Variants in RBFOX1 observed in about 807,000 individuals in gnomAD.
RBFOX1 encodes the protein RNA binding fox-1 homolog 1.
RBFOX1 carries 8 observed loss-of-function variants against 57.7 expected under a neutral mutation model. The observed-to-expected ratio is 0.14, with a 90% CI of 0.08 to 0.25. The LOEUF (loss-of-function observed/expected upper bound fraction) is 0.25, where lower values mean the gene tolerates loss of function less well. RBFOX1 is among the 10% of genes least tolerant of loss of function. RBFOX1 has a pLI of 1.00. For synonymous variants in RBFOX1, 326 were observed against 222.4 expected, an observed-to-expected ratio of 1.47 and a Z score of -4.15; for missense variants, 611 against 548.5, an observed-to-expected ratio of 1.11 and a Z score of -1.14.
At position 5,856,575 on chromosome 16, in the gene RBFOX1, G is replaced by GTATATATATATATA. The variant is rs375112636; in HGVS notation, c.319-10711_319-10698dup. 1.6e-3 allele frequency among the ~76,000 whole-genome samples: 53 copies of GTATATATATATATA among 32,920 alleles called. 2 individuals carry two copies. Among genetic ancestry groups the GTATATATATATATA allele is most frequent in the South Asian group, 8.8e-3 (6 of 680 alleles). 21.6% of individuals were successfully genotyped at this position (32,920 alleles called of 152,430 possible). ...TGTGTGTGTGTGTATGTGTGTGTGT[G>GTATATATATATATA]TATATATATATATATATATATATAT... On this transcript the variant is annotated intron_variant, in intron 3 of 19. Transcript: ENST00000641259.
intron 5 of RBFOX1, among the ~76,000 whole-genome samples, chr16:7,576,647 G>T (rs760296395): frequency 1.3e-5 from 2 of 152,182 alleles, no homozygotes; most frequent in Non-Finnish European, 2.9e-5. Flanking sequence ...TCTCCAAAGT[G>T]CTGTTTGACT....
At chr16:6,712,031 T>C (rs902328142) in intron 3 of RBFOX1, among the ~76,000 whole-genome samples, 3 of 152,226 alleles carry the variant, frequency 2.0e-5, no homozygotes, top group Non-Finnish European at 4.4e-5. Context: ...GTCTCACATA[T>C]ACTATATGGT....
chr16:7,348,157 CA>C (rs1283527697), intron 4 of RBFOX1, among the ~76,000 whole-genome samples: 1 of 152,132 alleles, frequency 6.6e-6, no homozygotes, highest in Non-Finnish European at 1.5e-5. Context: ...TTTTCAGAAA[CA>C]AAAAGCACAA....
At chr16:7,181,980 T>C (rs1292030614) in intron 4 of RBFOX1, among the ~76,000 whole-genome samples, 1 of 152,164 alleles carries the variant, frequency 6.6e-6, no homozygotes, top group African/African-American at 2.4e-5. Context: ...GTAACAGAGA[T>C]AGTGAATAAC....
At chr16:7,567,638 C>A (rs534698397) in intron 5 of RBFOX1, among the ~76,000 whole-genome samples, 1 of 58,476 alleles carries the variant, frequency 1.7e-5, no homozygotes, top group African/African-American at 5.8e-5. Context: ...TATATATATC[C>A]CTATATATGG....
chr16:6,994,923 G>T (rs143857941), intron 3 of RBFOX1, among the ~76,000 whole-genome samples: 24 of 150,426 alleles, frequency 1.6e-4, no homozygotes, highest in African/African-American at 5.9e-4. Flanking sequence ...TCCCTGATTG[G>T]GCATGTGATT....
At chr16:5,434,317 C>CTTTTTTTTTTTTTTTTT (rs5815245) in intron 1 of RBFOX1, among the ~76,000 whole-genome samples, 1 of 79,732 alleles carries the variant, frequency 1.3e-5, no homozygotes, top group African/African-American at 5.1e-5. Flanking sequence ...TGCTGAAGTC[C>CTTTTTTTTTTTTTTTTT]TTTTTTTTTT....
intron 2 of RBFOX1, among the ~76,000 whole-genome samples, chr16:6,473,594 A>T (rs2095225879): frequency 6.6e-6 from 1 of 151,644 alleles, no homozygotes; most frequent in African/African-American, 2.4e-5. Context: ...GTTGGTCTTT[A>T]TTGAAGAAAT....
intron 4 of RBFOX1, among the ~76,000 whole-genome samples, chr16:7,378,239 C>G (rs1040750456): frequency 3.9e-5 from 6 of 152,134 alleles, no homozygotes; most frequent in Non-Finnish European, 8.8e-5. Flanking sequence ...CAAACCATCT[C>G]CTGATCTCGA....
intron 3 of RBFOX1, among the ~76,000 whole-genome samples, chr16:6,922,716 C>G (rs796136491): frequency 6.6e-6 from 1 of 152,148 alleles, no homozygotes; most frequent in Non-Finnish European, 1.5e-5. Flanking sequence ...ACTCCAAAAA[C>G]TGGAAAGCCT....
At chr16:6,756,860 A>C (rs1254801631) in intron 3 of RBFOX1, among the ~76,000 whole-genome samples, 1 of 152,118 alleles carries the variant, frequency 6.6e-6, no homozygotes, top group Non-Finnish European at 1.5e-5. Flanking sequence ...CTGTAGTCAC[A>C]GCTCCTTGGG....
At chr16:7,506,914 G>A (rs1179182132) in intron 4 of RBFOX1, among the ~76,000 whole-genome samples, 1 of 152,158 alleles carries the variant, frequency 6.6e-6, no homozygotes. Context: ...GGACTGGAAG[G>A]AGGATCAGTT....
Position 6,831,873 on chromosome 16 carries a change from T to A in RBFOX1, c.-16+177223T>A, listed in dbSNP as rs2092733082. Among the ~76,000 whole-genome samples the A allele has an allele frequency of 2.0e-5, 3 of 152,112 alleles. 1 individual carries two copies. Among genetic ancestry groups the A allele is most frequent in the Non-Finnish European group, 4.4e-5 (3 of 68,012 alleles). ...ATGCTAGGGAGCATCATTTATGCAG[T>A]GAAAGAAGTAGGAAAAGCAATGTCT... On this transcript the variant is annotated intron_variant, in intron 3 of 15. Coordinates refer to ENST00000550418, the MANE Select transcript of RBFOX1 (RefSeq NM_018723.4).
intron 3 of RBFOX1, among the ~76,000 whole-genome samples, chr16:7,028,743 T>A (rs2041772411): frequency 1.3e-5 from 2 of 151,078 alleles, no homozygotes. Flanking sequence ...ACAGGAAATG[T>A]AATAGGGACG....
At chr16:7,275,697 A>G (rs2095427528) in intron 4 of RBFOX1, among the ~76,000 whole-genome samples, 1 of 152,206 alleles carries the variant, frequency 6.6e-6, no homozygotes, top group African/African-American at 2.4e-5. Context: ...TCCCAGGATT[A>G]TAGGTATGAG....
intron 3 of RBFOX1, among the ~76,000 whole-genome samples, chr16:6,749,168 T>C (rs941447839): frequency 6.6e-6 from 1 of 152,206 alleles, no homozygotes. Flanking sequence ...AGTTATGGTC[T>C]CAGGCAGATC....
At chr16:7,090,942 G>T (rs76094746) in intron 4 of RBFOX1, among the ~76,000 whole-genome samples, 2,667 of 152,230 alleles carry the variant, frequency 0.018, 68 homozygotes, top group African/African-American at 0.061. Context: ...ATTCCGCCAG[G>T]ATTAGAGGTT....
intron 3 of RBFOX1, among the ~76,000 whole-genome samples, chr16:6,710,162 C>G (rs1404570203): frequency 6.6e-6 from 1 of 152,132 alleles, no homozygotes; most frequent in East Asian, 1.9e-4. Flanking sequence ...CCGTGTGTCT[C>G]TAGAACTGTA....
At chr16:7,486,941 C>G (rs2065560335) in intron 4 of RBFOX1, among the ~76,000 whole-genome samples, 2 of 152,134 alleles carry the variant, frequency 1.3e-5, no homozygotes, top group Non-Finnish European at 2.9e-5. Flanking sequence ...GCTCTGTCAC[C>G]CAGTCTGGAG....
Sources: allele counts gnomAD v4.1 joint callset (sites outside exome capture counted in the v4.1 genomes callset), GRCh38; gene constraint gnomAD v4.1.1; transcripts MANE v1.5; gene names NCBI Gene and HGNC (gene_info 2026-07-23, HGNC 2026-07-21).